PLAC1: variants seen among roughly 807,000 people sequenced by gnomAD.
PLAC1 encodes the protein placenta associated 1.
For missense variants in PLAC1, 136 were observed against 163.2 expected, an observed-to-expected ratio of 0.83 and a Z score of 0.91; for synonymous variants, 68 against 62.1, an observed-to-expected ratio of 1.09 and a Z score of -0.44.
At chrX:134,677,051 T>C (rs1045462146) in intron 2 of PLAC1, among the ~76,000 whole-genome samples, 20 of 112,536 alleles carry the variant, frequency 1.8e-4, no homozygotes, top group Non-Finnish European at 3.2e-4. Context: ...AAACTGAACT[T>C]GTTCAAAATG....
chrX:134,752,931 A>C (rs377239471), intron 1 of PLAC1, among the ~76,000 whole-genome samples: 1 of 111,992 alleles, frequency 8.9e-6, no homozygotes, highest in East Asian at 2.8e-4. Context: ...TAGCAAAAAT[A>C]ACTCCCAAAG....
At chrX:134,755,862 T>C (rs1305356848) in intron 1 of PLAC1, among the ~76,000 whole-genome samples, 1 of 88,450 alleles carries the variant, frequency 1.1e-5, no homozygotes, top group East Asian at 3.3e-4. Flanking sequence ...CTTTCTTTTT[T>C]TTTTTTTTTT....
chrX:134,672,184 T>C (rs182594131), intron 2 of PLAC1, among the ~76,000 whole-genome samples: 189 of 112,433 alleles, frequency 1.7e-3, no homozygotes, highest in Non-Finnish European at 2.6e-3. Context: ...GTGACGACCC[T>C]ACTATTGGAA....
chrX:134,739,790 C>T (rs974075997), intron 1 of PLAC1, among the ~76,000 whole-genome samples: 4 of 112,222 alleles, frequency 3.6e-5, no homozygotes, highest in African/African-American at 9.7e-5. Flanking sequence ...AATCTGGTCT[C>T]GATTTCAAAG....
chrX:134,762,654 C>A (rs2147855671), intron 1 of PLAC1, among the ~76,000 whole-genome samples: 1 of 107,641 alleles, frequency 9.3e-6, no homozygotes, highest in South Asian at 4.1e-4. Flanking sequence ...ATGGTGAAAC[C>A]CCGTCTCTAC....
At chrX:134,724,109 CTAA>C (rs781136568) in intron 2 of PLAC1, among the ~76,000 whole-genome samples, 4 of 111,923 alleles carry the variant, frequency 3.6e-5, no homozygotes, top group African/African-American at 9.7e-5. Context: ...TTGAAGGAGG[CTAA>C]TGAGACATGA....
chrX:134,736,741 T>A (rs1191765595), intron 1 of PLAC1, among the ~76,000 whole-genome samples: 1 of 112,158 alleles, frequency 8.9e-6, no homozygotes, highest in Non-Finnish European at 1.9e-5. Context: ...ACTAAACATT[T>A]GTTGTCTGGC....
At chrX:134,588,701 T>C (rs1486648066) in intron 2 of PLAC1, among the ~76,000 whole-genome samples, 1 of 110,296 alleles carries the variant, frequency 9.1e-6, no homozygotes, top group Non-Finnish European at 1.9e-5. Context: ...AGAGAAGGGA[T>C]GAATTCAATC....
At chrX:134,614,046 C>T (rs1163559137) in intron 1 of PLAC1, among the ~76,000 whole-genome samples, 4 of 110,229 alleles carry the variant, frequency 3.6e-5, no homozygotes, top group Admixed American at 2.9e-4. Flanking sequence ...TATGCTCCTG[C>T]TTATCTGCCT....
intron 2 of PLAC1, among the ~76,000 whole-genome samples, chrX:134,684,962 C>T (rs184902593): frequency 9.4e-4 from 105 of 112,281 alleles, no homozygotes; most frequent in African/African-American, 3.3e-3. Context: ...AGTCTTATCC[C>T]GATTTTCTCT....
intron 1 of PLAC1, among the ~76,000 whole-genome samples, chrX:134,643,761 C>T (rs1205439847): frequency 1.8e-5 from 2 of 110,462 alleles, no homozygotes; most frequent in Non-Finnish European, 3.8e-5. Context: ...AAAGTACTTT[C>T]CAGAAAGGTA....
chrX:134,620,029 T>C (rs919478868), intron 1 of PLAC1, among the ~76,000 whole-genome samples: 4 of 112,271 alleles, frequency 3.6e-5, no homozygotes, highest in Non-Finnish European at 7.5e-5. Context: ...CTTTACTGGA[T>C]GGGGACTAGA....
At chrX:134,747,084 A>G (rs759299516) in intron 1 of PLAC1, among the ~76,000 whole-genome samples, 1 of 112,276 alleles carries the variant, frequency 8.9e-6, no homozygotes, top group East Asian at 2.8e-4. Flanking sequence ...CTTTAACCTT[A>G]GTTGATGTGT....
Position 134,581,764 on chromosome X carries a change from C to A in PLAC1, c.-58-15024G>T, listed in dbSNP as rs945626296. 1.3e-4 allele frequency among the ~76,000 whole-genome samples: 14 copies of A among 111,087 alleles called. 1 individual carries two copies. Among genetic ancestry groups the A allele is most frequent in the Non-Finnish European group, 5.7e-5 (3 of 52,972 alleles). On this transcript the variant is annotated intron_variant, in intron 2 of 2. Coordinates refer to ENST00000359237, the MANE Select transcript of PLAC1 (RefSeq NM_021796.4). ...AAAGTGCTGGGATTACAGGCGTGAG[C>A]CACCGAGCCCGGCCCAGTTTCTCAG...
At chrX:134,756,848 CAA>C (rs796120644) in intron 1 of PLAC1, among the ~76,000 whole-genome samples, 5 of 86,432 alleles carry the variant, frequency 5.8e-5, no homozygotes, top group African/African-American at 4.2e-5. Flanking sequence ...GACTCCGTCT[CAA>C]AAAAAAAAAA....
At chrX:134,602,771 T>C (rs1450601895) in intron 1 of PLAC1, among the ~76,000 whole-genome samples, 3 of 109,722 alleles carry the variant, frequency 2.7e-5, no homozygotes, top group Non-Finnish European at 5.7e-5. Flanking sequence ...GACAAAATTG[T>C]AGCAACAAAA....
intron 2 of PLAC1, among the ~76,000 whole-genome samples, chrX:134,569,787 TTTGTGTG>T (rs2077897067): frequency 2.2e-5 from 2 of 90,104 alleles, no homozygotes; most frequent in African/African-American, 4.5e-5. Flanking sequence ...TGTGTGTGTG[TTTGTGTG>T]TGTGTGTGTG....
chrX:134,659,749 G>A (rs779178759), upstream of PLAC1, among the ~76,000 whole-genome samples: 13 of 112,202 alleles, frequency 1.2e-4, no homozygotes, highest in Admixed American at 1.9e-4. Context: ...GGTTTTTGCC[G>A]TTGAAATTAG....
At chrX:134,661,321 C>T (rs1351739515), upstream of PLAC1, among the ~76,000 whole-genome samples, 3 of 111,739 alleles carry the variant, frequency 2.7e-5, no homozygotes, top group Non-Finnish European at 5.6e-5. Flanking sequence ...GTCTCTCTCG[C>T]GTTCTGCTGT....
Sources: allele counts gnomAD v4.1 joint callset (sites outside exome capture counted in the v4.1 genomes callset), GRCh38; gene constraint gnomAD v4.1.1; transcripts MANE v1.5; gene names NCBI Gene and HGNC (gene_info 2026-07-23, HGNC 2026-07-21).